ZNF516: variants seen among roughly 807,000 people sequenced by gnomAD.
ZNF516 encodes the protein zinc finger protein 516.
ZNF516 carries 19 observed loss-of-function variants against 79.7 expected under a neutral mutation model. The observed-to-expected ratio is 0.24, with a 90% CI of 0.17 to 0.35. The LOEUF (loss-of-function observed/expected upper bound fraction) is 0.35, where lower values mean the gene tolerates loss of function less well. Ranked by LOEUF, ZNF516 falls within the 10% of genes least tolerant of loss-of-function variation. The pLI, the probability that ZNF516 is intolerant of heterozygous loss-of-function variation, is 1.00. For missense variants in ZNF516, 1,678 were observed against 1,679.5 expected, an observed-to-expected ratio of 1.00 and a Z score of 0.02; for synonymous variants, 877 against 739.5, an observed-to-expected ratio of 1.19 and a Z score of -3.02.
At chr18:76,482,944 A>C (rs77571306) in intron 1 of ZNF516, among the ~76,000 whole-genome samples, 122 of 152,344 alleles carry the variant, frequency 8.0e-4, no homozygotes, top group African/African-American at 2.9e-3. Context: ...GAAAGGTAGC[A>C]AAATCACCTA....
chr18:76,428,402 A>C (rs1305074048), intron 3 of ZNF516, among the ~76,000 whole-genome samples: 1 of 152,142 alleles, frequency 6.6e-6, no homozygotes, highest in East Asian at 1.9e-4. Flanking sequence ...CAAAAAAAAA[A>C]AAAAAAAGAA....
chr18:76,460,398 G>A (rs1268926349), intron 2 of ZNF516, among the ~76,000 whole-genome samples: 1 of 152,204 alleles, frequency 6.6e-6, no homozygotes, highest in Non-Finnish European at 1.5e-5. Context: ...CCTGGAATGA[G>A]CATTCTGGAG....
chr18:76,424,201 C>CT (rs1568279550), intron 3 of ZNF516, among the ~76,000 whole-genome samples: 1 of 44,954 alleles, frequency 2.2e-5, no homozygotes, highest in Admixed American at 2.0e-4. Context: ...AAGGCTCCCC[C>CT]GAAACACACA....
chr18:76,466,509 G>T (rs944240991), intron 1 of ZNF516, among the ~76,000 whole-genome samples: 2 of 152,270 alleles, frequency 1.3e-5, no homozygotes, highest in African/African-American at 4.8e-5. Flanking sequence ...AGCCAGGTGG[G>T]ATGGCGGGGA....
chr18:76,492,972 A>ACGCG, intron 1 of ZNF516: 1 of 985,564 alleles, frequency 1.0e-6, no homozygotes, highest in Non-Finnish European at 1.2e-6. Context: ...GGGCTCATGC[A>ACGCG]CGCGCACGCG....
intron 1 of ZNF516, among the ~76,000 whole-genome samples, chr18:76,471,614 G>A (rs1913845265): frequency 6.6e-6 from 1 of 152,166 alleles, no homozygotes; most frequent in Non-Finnish European, 1.5e-5. Context: ...CTCCACACAC[G>A]ACAGCTGGGC....
intron 4 of ZNF516, among the ~76,000 whole-genome samples, chr18:76,373,533 A>G (rs2074740847): frequency 6.6e-6 from 1 of 152,236 alleles, no homozygotes; most frequent in Non-Finnish European, 1.5e-5. Flanking sequence ...AATACTGACT[A>G]ATGATGACGA....
Position 76,463,070 on chromosome 18 carries a change from C to T in ZNF516, c.-200G>A, listed in dbSNP as rs960089940. The T allele has an allele frequency of 2.0e-5, 3 of 152,214 alleles. No homozygotes were observed. Among genetic ancestry groups the T allele is most frequent in the African/African-American group, 7.2e-5 (3 of 41,458 alleles). The allele number at this position is 152,214 out of a possible 1,614,324, so 9.4% of individuals were successfully genotyped here. On this transcript the variant is annotated 5_prime_UTR_variant, in exon 2 of 7. Transcript: ENST00000443185. ...TGTGGAAATGCAATGACAACGCTCC[C>T]AGTTGGATGCTGGTACTCTCAGCTA...
chr18:76,442,319 C>T lies in ZNF516; in HGVS notation c.736G>A (p.Gly246Arg), dbSNP rs1392734495. Residue 246 changes from glycine (G) to arginine (R), a missense_variant, in exon 3 of 7, where the codon GGG (glycine) becomes AGG (arginine). Physicochemically the swap from Gly to Arg is moderately radical, Grantham distance 125. Coordinates refer to ENST00000443185, the MANE Select transcript of ZNF516 (RefSeq NM_014643.4). ...CCACACACCTCGCACGGGAACTCCCCGGGGCTCAGCTCGGGCTTGCCGTTC... is the reference window on the plus strand; with the variant it reads ...CCACACACCTCGCACGGGAACTCCCTGGGGCTCAGCTCGGGCTTGCCGTTC... Reference protein sequence around the residue: ...VENGKPELSPGEFPCEVCGQA... With the variant: ...VENGKPELSPREFPCEVCGQA... The T allele has an allele frequency of 3.1e-6, 5 of 1,611,420 alleles. No individual in the cohort carries two copies. Among genetic ancestry groups the T allele is most frequent in the Non-Finnish European group, 4.2e-6 (5 of 1,179,266 alleles).
chr18:76,376,401 A>G (rs1411281189), intron 4 of ZNF516, among the ~76,000 whole-genome samples: 1 of 152,206 alleles, frequency 6.6e-6, no homozygotes, highest in African/African-American at 2.4e-5. Context: ...GTACACTTAG[A>G]AACCCTAAAT....
At chr18:76,384,428 C>T (rs1180148299) in intron 3 of ZNF516, among the ~76,000 whole-genome samples, 4 of 122,304 alleles carry the variant, frequency 3.3e-5, no homozygotes, top group East Asian at 2.5e-4. Context: ...ACTCCCTCCA[C>T]GGTTCTCACG....
At chr18:76,366,160 C>T (rs563983805) in intron 6 of ZNF516, among the ~76,000 whole-genome samples, 2 of 152,350 alleles carry the variant, frequency 1.3e-5, no homozygotes, top group African/African-American at 4.8e-5. Context: ...ATTAAACTGA[C>T]TTTAATTATT....
At chr18:76,485,717 C>G (rs1404747304) in intron 1 of ZNF516, among the ~76,000 whole-genome samples, 2 of 152,082 alleles carry the variant, frequency 1.3e-5, no homozygotes, top group Non-Finnish European at 2.9e-5. Context: ...CAACACAGGT[C>G]TACCCAAAAA....
chr18:76,406,610 C>T (rs1017346507), intron 3 of ZNF516, among the ~76,000 whole-genome samples: 1 of 152,172 alleles, frequency 6.6e-6, no homozygotes, highest in South Asian at 2.1e-4. Flanking sequence ...AAGCCAGCGA[C>T]AGCCGCGCTC....
chr18:76,370,577 C>T lies in ZNF516; in HGVS notation c.3383G>A (p.Gly1128Glu). ...GGTATGAACTTCAGAACCCCGAGGC[C>T]CATCGGACTCAAACACCACTGTGGG... ...RAHSVVFESD[G>E]PRGSEVHTTS... The change falls in exon 6 of 7, where the codon GGG becomes GAG. Residue 1128 changes from glycine to glutamate, a missense_variant. Gly to Glu is a moderately conservative substitution (Grantham distance 98). Around this residue, in one of 5 missense-constraint regions of ZNF516, gnomAD observed 1,294 missense variants for 1,248.3 expected, o/e 1.04. Transcript: ENST00000443185. 1 of 1,604,808 alleles carries T rather than the reference C, an allele frequency of 6.2e-7. No homozygotes were observed. The highest frequency in any genetic ancestry group is 8.5e-7 in the Non-Finnish European group (1 of 1,175,308).
At chr18:76,382,246 C>G (rs1402990352) in intron 3 of ZNF516, among the ~76,000 whole-genome samples, 1 of 152,080 alleles carries the variant, frequency 6.6e-6, no homozygotes, top group Non-Finnish European at 1.5e-5. Flanking sequence ...GGAGACTGGG[C>G]AGTGCTAGGA....
intron 1 of ZNF516, among the ~76,000 whole-genome samples, chr18:76,490,519 A>C (rs1423265604): frequency 1.3e-5 from 2 of 152,200 alleles, no homozygotes; most frequent in South Asian, 2.1e-4. Context: ...CACATCCCTA[A>C]ACCAAAATAC....
At chr18:76,402,531 G>C (rs2075245365) in intron 3 of ZNF516, among the ~76,000 whole-genome samples, 1 of 152,200 alleles carries the variant, frequency 6.6e-6, no homozygotes, top group South Asian at 2.1e-4. Flanking sequence ...CAGGGACCCA[G>C]GCTGTCTGAG....
At chr18:76,419,634 T>C (rs1474450349) in intron 3 of ZNF516, among the ~76,000 whole-genome samples, 3 of 152,124 alleles carry the variant, frequency 2.0e-5, no homozygotes, top group Admixed American at 1.3e-4. Flanking sequence ...AGCGAATAAG[T>C]CTCACAAGAC....
Sources: allele counts gnomAD v4.1 joint callset (sites outside exome capture counted in the v4.1 genomes callset), GRCh38; gene constraint gnomAD v4.1.1; regional missense constraint gnomAD v4.1.1; transcripts MANE v1.5; gene names NCBI Gene and HGNC (gene_info 2026-07-23, HGNC 2026-07-21).